SMYD3: variants seen among roughly 807,000 people sequenced by gnomAD.
SMYD3 encodes the protein SET and MYND domain containing 3, also known as histone-lysine N-methyltransferase SMYD3.
A neutral mutation model predicts 57.7 loss-of-function variants in SMYD3; 36 were observed. That is an observed-to-expected ratio of 0.62 (90% CI 0.48 to 0.82). The LOEUF is 0.82. Ranked by LOEUF, SMYD3 falls within the 40% of genes least tolerant of loss-of-function variation. The pLI is 0.00. For synonymous variants in SMYD3, 211 were observed against 195.0 expected (o/e 1.08, Z -0.68); for missense variants, 515 against 538.8 (o/e 0.96, Z 0.44).
Position 246,006,293 on chromosome 1 carries a change from G to A in SMYD3, c.532-76356C>T, listed in dbSNP as rs984666753. Among the ~76,000 whole-genome samples the A allele has an allele frequency of 2.6e-5, 4 of 151,588 alleles. No homozygotes were observed. The East Asian group carries it at 7.8e-4, about 30-fold the overall frequency. Reference sequence around the variant, plus strand: ...ACTGATGAGCGAGTTGGAGGGACTGGGATGTTGGAGGGGCTGGGGTGCTGG... The same window carrying A: ...ACTGATGAGCGAGTTGGAGGGACTGAGATGTTGGAGGGGCTGGGGTGCTGG... On this transcript the variant is annotated intron_variant, in intron 5 of 11. Coordinates refer to ENST00000490107, the MANE Select transcript of SMYD3 (RefSeq NM_001167740.2).
At chr1:246,100,588 T>C (rs1434018594) in intron 5 of SMYD3, among the ~76,000 whole-genome samples, 2 of 152,138 alleles carry the variant, frequency 1.3e-5, no homozygotes, top group East Asian at 3.9e-4. Context: ...AGGGTTCTGG[T>C]TCCAAGTCCA....
intron 1 of SMYD3, among the ~76,000 whole-genome samples, chr1:246,479,502 A>ATTTTTTTTTTTTTTT (rs35818746): frequency 9.3e-6 from 1 of 107,634 alleles, no homozygotes. Flanking sequence ...AAAAAGCGGG[A>ATTTTTTTTTTTTTTT]TTTTTTTTTT....
At chr1:245,928,673 CA>C (rs1006488468) in intron 6 of SMYD3, among the ~76,000 whole-genome samples, 108 of 142,598 alleles carry the variant, frequency 7.6e-4, no homozygotes, top group Admixed American at 1.0e-3. Flanking sequence ...GACTCCATCT[CA>C]AAAAAAAAAA....
In SMYD3 at chr1:245,858,491, C is replaced by G. The variant is rs2051367601; in HGVS notation, c.1076+5G>C. On this transcript the variant is annotated splice_donor_5th_base_variant and intron_variant, in intron 10 of 11. Coordinates refer to ENST00000490107, the MANE Select transcript of SMYD3 (RefSeq NM_001167740.2). The stretch of plus-strand genomic sequence containing the variant: ...CCTTATGTCAGCCCTCTCCCTGGGA[C>G]TTGCCTGTATGGCTCCATGGTCCGA... 4 of 1,612,130 alleles carry G rather than the reference C, an allele frequency of 2.5e-6. No individual in the cohort carries two copies. Among genetic ancestry groups the G allele is most frequent in the Admixed American group, 1.7e-5 (1 of 59,728 alleles).
rs193178254 is a variant in SMYD3 at position 245,951,614 on chromosome 1, C to G, written c.532-21677G>C. ...GCCATGATATAGTCAATTCCTACCT[C>G]CTACGAGTCTGACTGTGCTGCTTGT... On this transcript the variant is annotated intron_variant, in intron 5 of 11. Transcript: ENST00000490107. 8.2e-4 allele frequency among the ~76,000 whole-genome samples: 124 copies of G among 150,818 alleles called. 1 individual carries two copies. The highest frequency in any genetic ancestry group is 2.4e-3 in the African/African-American group (98 of 40,850).
intron 5 of SMYD3, among the ~76,000 whole-genome samples, chr1:246,113,010 A>G (rs534659973): frequency 2.6e-5 from 4 of 151,824 alleles, no homozygotes; most frequent in South Asian, 4.2e-4. Flanking sequence ...TGAAACCCCA[A>G]CTCTACTAAA....
intron 2 of SMYD3, among the ~76,000 whole-genome samples, chr1:246,341,656 G>A (rs1572399533): frequency 6.6e-6 from 1 of 152,166 alleles, no homozygotes; most frequent in East Asian, 1.9e-4. Flanking sequence ...TATGAAAGGA[G>A]TGTATTGATG....
intron 1 of SMYD3, among the ~76,000 whole-genome samples, chr1:246,478,957 A>G (rs4654270): frequency 0.033 from 4,422 of 132,632 alleles, 277 homozygotes; most frequent in African/African-American, 0.078. Flanking sequence ...ATAAGTGCTC[A>G]TATATGCACA....
intron 5 of SMYD3, among the ~76,000 whole-genome samples, chr1:245,976,976 C>T (rs372648359): frequency 0.012 from 117 of 9,684 alleles, 1 homozygote; most frequent in Admixed American, 0.027. Context: ...CCATCGTCTC[C>T]GGCCCAGGGA....
chr1:246,060,613 T>C (rs1490858510), intron 5 of SMYD3, among the ~76,000 whole-genome samples: 1 of 152,148 alleles, frequency 6.6e-6, no homozygotes, highest in Non-Finnish European at 1.5e-5. Context: ...ATTACTAAAT[T>C]GGATCATATG....
intron 5 of SMYD3, among the ~76,000 whole-genome samples, chr1:246,160,813 G>T (rs1308402138): frequency 6.6e-6 from 1 of 152,126 alleles, no homozygotes; most frequent in Non-Finnish European, 1.5e-5. Flanking sequence ...AAGCATTGGG[G>T]AAATACTTTC....
chr1:246,336,547 T>A (rs2065547561), intron 2 of SMYD3, among the ~76,000 whole-genome samples: 1 of 152,128 alleles, frequency 6.6e-6, no homozygotes, highest in Non-Finnish European at 1.5e-5. Context: ...AAGATGTGTA[T>A]GAAATAAGAC....
At chr1:246,410,183 C>T (rs1379260212) in intron 1 of SMYD3, among the ~76,000 whole-genome samples, 1 of 152,050 alleles carries the variant, frequency 6.6e-6, no homozygotes, top group Non-Finnish European at 1.5e-5. Flanking sequence ...GCCTGACTGC[C>T]CTGGCCAGAA....
At chr1:245,855,608 T>C (rs2051200409) in intron 10 of SMYD3, among the ~76,000 whole-genome samples, 1 of 152,246 alleles carries the variant, frequency 6.6e-6, no homozygotes. Flanking sequence ...TCAGAAGACA[T>C]ACTATGGGCT....
Position 245,898,943 on chromosome 1 carries a change from T to C in SMYD3, c.813+16587A>G, listed in dbSNP as rs149854586. 7.5e-3 allele frequency among the ~76,000 whole-genome samples: 1,148 copies of C among 152,338 alleles called. 10 individuals are homozygous for C. Among genetic ancestry groups the C allele is most frequent in the Non-Finnish European group, 0.013 (886 of 68,026 alleles). ...AAAACCTCCCTCAGAAGGTAAGTTT[T>C]ATTTTTTTCCAGAAATTAAGCTGCA... On this transcript the variant is annotated intron_variant, in intron 8 of 11. Coordinates refer to ENST00000490107, the MANE Select transcript of SMYD3 (RefSeq NM_001167740.2).
At chr1:245,934,465 T>C (rs1362557487) in intron 5 of SMYD3, among the ~76,000 whole-genome samples, 2 of 152,184 alleles carry the variant, frequency 1.3e-5, no homozygotes, top group Non-Finnish European at 2.9e-5. Context: ...TCATAAACCT[T>C]AAGAGATTAA....
chr1:246,259,510 C>T (rs1319904532), intron 5 of SMYD3, among the ~76,000 whole-genome samples: 2 of 151,956 alleles, frequency 1.3e-5, no homozygotes, highest in Non-Finnish European at 2.9e-5. Flanking sequence ...CTTTGCTCTG[C>T]CTTTGGTTTT....
intron 10 of SMYD3, among the ~76,000 whole-genome samples, chr1:245,778,757 C>T (rs2153411): frequency 0.51 from 78,145 of 151,896 alleles, 24,001 homozygotes; most frequent in East Asian, 0.88. Context: ...CTTCATGACC[C>T]TGAGTTAGGC....
At chr1:246,412,692 A>G (rs1278859521) in intron 1 of SMYD3, among the ~76,000 whole-genome samples, 3 of 152,112 alleles carry the variant, frequency 2.0e-5, no homozygotes, top group Non-Finnish European at 4.4e-5. Flanking sequence ...CTCCATCTCT[A>G]CTAAAAGTAC....
Sources: gnomAD v4.1 joint callset for allele counts (sites outside exome capture counted in the v4.1 genomes callset) on GRCh38, gnomAD v4.1.1 for gene constraint, MANE v1.5 for transcripts, NCBI Gene and HGNC (gene_info 2026-07-23, HGNC 2026-07-21) for gene names.